The following THSD4 variants were observed in gnomAD, a reference collection of about 807,000 sequenced individuals.
THSD4 encodes thrombospondin type 1 domain containing 4, also known as thrombospondin type-1 domain-containing protein 4.
THSD4 carries 69 observed loss-of-function variants against 119.0 expected under a neutral mutation model. That is an observed-to-expected ratio of 0.58 (90% CI 0.48 to 0.71). THSD4 has a LOEUF of 0.71. Ranked by LOEUF, THSD4 falls within the 30% of genes least tolerant of loss-of-function variation. The probability of loss-of-function intolerance (pLI) is 0.00; values close to 1 mark genes in which losing one functional copy is unlikely to be tolerated. For synonymous variants in THSD4, 524 were observed against 540.4 expected (o/e 0.97, Z 0.42); for missense variants, 1,393 against 1,391.1 (o/e 1.00, Z -0.02).
In THSD4 at chr15:71,781,107, C is replaced by CATAT. The variant is rs1378862289; in HGVS notation, c.*3735_*3738dup. On this transcript the variant is annotated 3_prime_UTR_variant, in exon 18 of 18. Coordinates refer to ENST00000261862, the MANE Select transcript of THSD4 (RefSeq NM_024817.3). The stretch of plus-strand genomic sequence containing the variant: ...GTGGAGACTAGTATTTGATCCTTGC[C>CATAT]ATATAAAACATTTTAATATGGTTTA... 1 of 216,570 alleles carries CATAT rather than the reference C, an allele frequency of 4.6e-6. No individual in the cohort carries two copies. The highest frequency in any genetic ancestry group is 2.3e-5 in the African/African-American group (1 of 44,354). 13.4% of individuals were successfully genotyped at this position (216,570 alleles called of 1,614,324 possible). A position where few individuals can be genotyped will look rare whatever the true frequency, so the allele number is the denominator to read the frequency against.
At chr15:71,320,835 T>C (rs1260510871) in intron 6 of THSD4, among the ~76,000 whole-genome samples, 4 of 152,338 alleles carry the variant, frequency 2.6e-5, no homozygotes, top group East Asian at 1.9e-4. Context: ...GAAGATGTTA[T>C]GCTAGTTATG....
chr15:71,733,604 A>T (rs2053023758), intron 10 of THSD4: 1 of 152,154 alleles, frequency 6.6e-6, no homozygotes, highest in Non-Finnish European at 1.5e-5. Flanking sequence ...ATAATAACCA[A>T]CTAAGTAAGA....
At chr15:71,166,717 TAACTCCAGTC>T (rs2043298247) in intron 3 of THSD4, among the ~76,000 whole-genome samples, 1 of 152,192 alleles carries the variant, frequency 6.6e-6, no homozygotes, top group South Asian at 2.1e-4. Flanking sequence ...ACTTCATCAG[TAACTCCAGTC>T]AAAGTGTAGT....
chr15:71,610,399 A>C (rs1317416675), intron 7 of THSD4, among the ~76,000 whole-genome samples: 1 of 152,098 alleles, frequency 6.6e-6, no homozygotes, highest in Admixed American at 6.5e-5. Context: ...ACCCACCTTC[A>C]TCCAGGGAAC....
chr15:71,648,558 A>G (rs1454729637), intron 7 of THSD4, among the ~76,000 whole-genome samples: 1 of 152,254 alleles, frequency 6.6e-6, no homozygotes, highest in Non-Finnish European at 1.5e-5. Context: ...GAGAAAAGTT[A>G]CAAAGATAAA....
intron 6 of THSD4, among the ~76,000 whole-genome samples, chr15:71,301,692 A>G (rs1186188328): frequency 1.3e-5 from 2 of 152,232 alleles, no homozygotes; most frequent in Non-Finnish European, 2.9e-5. Flanking sequence ...TTTTTAAAAA[A>G]TAATTTTCTC....
chr15:71,739,326 G>A (rs749397540), intron 11 of THSD4, among the ~76,000 whole-genome samples: 16 of 152,254 alleles, frequency 1.1e-4, no homozygotes, highest in African/African-American at 2.4e-4. Flanking sequence ...AGCATGGGGC[G>A]TCTCTCCAAA....
chr15:71,730,350 C>T (rs952604909), intron 9 of THSD4: 5 of 152,308 alleles, frequency 3.3e-5, no homozygotes, highest in Admixed American at 6.5e-5. Context: ...TAGCCCACCA[C>T]CCTGCTCCCC....
At chr15:71,524,206 T>C (rs1030964452) in intron 7 of THSD4, among the ~76,000 whole-genome samples, 2 of 152,222 alleles carry the variant, frequency 1.3e-5, no homozygotes, top group Non-Finnish European at 2.9e-5. Context: ...AGGGCCAGGC[T>C]TGTTTCCAAG....
chr15:71,671,240 G>A (rs893606121), intron 8 of THSD4, among the ~76,000 whole-genome samples: 3 of 152,144 alleles, frequency 2.0e-5, no homozygotes, highest in Non-Finnish European at 4.4e-5. Context: ...GCCAGTGATG[G>A]TGAGCATTTT....
chr15:71,243,154 T>C lies in THSD4; in HGVS notation c.912+58T>C. The stretch of plus-strand genomic sequence containing the variant: ...ACAGCTGCCCCTCGTTTTTCTGTCA[T>C]TTGGCACTAAGCATGATGAAGACAG... On this transcript the variant is annotated intron_variant, in intron 5 of 17. Transcript: ENST00000261862. The C allele has an allele frequency of 2.0e-6, 3 of 1,534,720 alleles. No homozygotes were observed. In the South Asian group the frequency reaches 3.8e-5, roughly 19 times the overall value.
At position 71,242,571 on chromosome 15, in the gene THSD4, A is replaced by G. The variant is rs1299970646; in HGVS notation, c.465-78A>G. 12 of 1,495,584 alleles carry G rather than the reference A, an allele frequency of 8.0e-6. No homozygotes were observed. In the African/African-American group the frequency reaches 1.4e-4, roughly 17 times the overall value. 92.6% of individuals were successfully genotyped at this position (1,495,584 alleles called of 1,614,324 possible). A position where few individuals can be genotyped will look rare whatever the true frequency, so the allele number is the denominator to read the frequency against. On this transcript the variant is annotated intron_variant, in intron 4 of 17. Transcript: ENST00000261862. ...CTTCCGTTCCTACCTGGTCCTCTCT[A>G]CCACGGACCAGAGCTTCTGAGTTAA...
chr15:71,544,299 G>A (rs1228058681), intron 7 of THSD4, among the ~76,000 whole-genome samples: 1 of 152,126 alleles, frequency 6.6e-6, no homozygotes, highest in Non-Finnish European at 1.5e-5. Flanking sequence ...TAATAAGACT[G>A]TTGTCATGGT....
chr15:71,535,030 T>C (rs978332964), intron 7 of THSD4, among the ~76,000 whole-genome samples: 1 of 152,216 alleles, frequency 6.6e-6, no homozygotes, highest in Non-Finnish European at 1.5e-5. Context: ...TTTTTTAGTA[T>C]ATTTATATTC....
chr15:71,098,792 T>G (rs1277911739), intron 1 of THSD4, among the ~76,000 whole-genome samples: 1 of 152,034 alleles, frequency 6.6e-6, no homozygotes, highest in Non-Finnish European at 1.5e-5. Flanking sequence ...GAATACAAGT[T>G]AAGTTACAAT....
intron 4 of THSD4, among the ~76,000 whole-genome samples, chr15:71,231,205 A>ATT (rs2044057938): frequency 1.3e-5 from 2 of 152,216 alleles, no homozygotes. Flanking sequence ...GAAGAAGAGA[A>ATT]GCCACCTGAT....
chr15:71,258,398 C>T (rs1013648452), intron 6 of THSD4, among the ~76,000 whole-genome samples: 5 of 152,072 alleles, frequency 3.3e-5, no homozygotes, highest in African/African-American at 1.2e-4. Context: ...AGGCTGACCT[C>T]GAACTCCTGA....
rs80103649 is a variant in THSD4, at chr15:71,594,112, T to C, written c.1153-66418T>C. ...GCTCAGCATGGGGGTTGCCTTTTCC[T>C]GCCCGGTCCCTCTCTCTGCCCCTTC... On this transcript the variant is annotated intron_variant, in intron 7 of 17. Coordinates refer to ENST00000261862, the MANE Select transcript of THSD4 (RefSeq NM_024817.3). 1.2e-3 allele frequency among the ~76,000 whole-genome samples: 190 copies of C among 152,116 alleles called. 4 individuals are homozygous for C. The East Asian group carries it at 0.023, about 18-fold the overall frequency.
chr15:71,728,677 G>T lies in THSD4; in HGVS notation c.1486G>T (p.Glu496Ter). 6.2e-7 allele frequency: 1 copy of T among 1,614,212 alleles called. No individual in the cohort carries two copies. Among genetic ancestry groups the T allele is most frequent in the Non-Finnish European group, 8.5e-7 (1 of 1,180,038 alleles). Residue 496 changes from glutamate (E) to a stop codon, truncating the protein, a stop_gained, in exon 9 of 18, where the codon GAG (glutamate) becomes TAG (stop). Coordinates refer to ENST00000261862, the MANE Select transcript of THSD4 (RefSeq NM_024817.3). LOFTEE classifies it high-confidence loss of function. ...RPNEISSTAG[E>*]SFLAEGPTNE... Reference sequence around the variant, plus strand: ...AAATGAGATTTCGAGCACTGCCGGAGAGTCCTTTTTGGCGGAAGGTCCCAC... The same window carrying T: ...AAATGAGATTTCGAGCACTGCCGGATAGTCCTTTTTGGCGGAAGGTCCCAC...
Sources: gnomAD v4.1 joint callset for allele counts (sites outside exome capture counted in the v4.1 genomes callset) on GRCh38, gnomAD v4.1.1 for gene constraint, MANE v1.5 for transcripts, NCBI Gene and HGNC (gene_info 2026-07-23, HGNC 2026-07-21) for gene names.